The following COL3A1 variants were observed in gnomAD, a reference collection of about 807,000 sequenced individuals.
COL3A1 encodes collagen type III alpha 1 chain.
Under a neutral mutation model 200.9 loss-of-function variants are expected in COL3A1, and 46 were observed. The observed-to-expected ratio is 0.23, with a 90% CI of 0.18 to 0.29. The LOEUF is 0.29. Ranked by LOEUF, COL3A1 falls within the 10% of genes least tolerant of loss-of-function variation. The pLI is 1.00. For missense variants in COL3A1, 1,367 were observed against 1,917.6 expected, an observed-to-expected ratio of 0.71 and a Z score of 5.36; for synonymous variants, 650 against 628.0, an observed-to-expected ratio of 1.03 and a Z score of -0.52.
chr2:188,995,618 G>A (rs1409158792), intron 21 of COL3A1, 74 bp from the exon 22 acceptor site: 2 of 1,041,712 alleles, frequency 1.9e-6, no homozygotes. Flanking sequence ...TCCTCTCTTT[G>A]TAACCAAAAT....
chr2:189,004,435 AG>A, intron 40 of COL3A1, 71 bp downstream of exon 40: 1 of 1,410,740 alleles, frequency 7.1e-7, no homozygotes, highest in Non-Finnish European at 9.7e-7. Flanking sequence ...AACCATATCA[AG>A]GATGAAAAGT....
chr2:189,005,496 T>C, intron 41 of COL3A1, 39 bp downstream of exon 41: 1 of 1,539,844 alleles, frequency 6.5e-7, no homozygotes, highest in Non-Finnish European at 9.0e-7. Flanking sequence ...AGGTAGAATT[T>C]GATAATTTAT....
At position 188,999,314 on chromosome 2, in the gene COL3A1, A is replaced by G; in HGVS notation, c.2052A>G (p.Gly684=). 1 of 1,587,308 alleles carries G rather than the reference A, an allele frequency of 6.3e-7. No individual in the cohort carries two copies. Among genetic ancestry groups the G allele is most frequent in the Non-Finnish European group, 8.6e-7 (1 of 1,165,898 alleles). The change falls in exon 30 of 51, where the codon GGA becomes GGG. Residue 684 remains glycine, a synonymous_variant. Coordinates refer to ENST00000304636, the MANE Select transcript of COL3A1 (RefSeq NM_000090.4). ...KGDAGAPGER[G]PPGLAGAPGL... ...ATGCTGGTGCCCCTGGTGAACGTGG[A>G]CCTCCTGGATTGGCAGGGGCCCCAG...
chr2:188,990,917 A>T, intron 10 of COL3A1, 87 bp from the exon 11 acceptor site: 1 of 1,354,512 alleles, frequency 7.4e-7, no homozygotes, highest in South Asian at 1.2e-5. Context: ...TATGAAGACC[A>T]ATTAGAAAAA....
rs587779451 is a variant in COL3A1 at position 188,988,106 on chromosome 2, CT to C, written c.555del (p.Gly186ValfsTer36). On this transcript the variant is annotated frameshift_variant, in exon 6 of 51. Transcript: ENST00000304636. LOFTEE classifies it high-confidence loss of function. ...PAGPPGPPGP[P>X]GTSGHPGSPG... ...GGCCCCCCAGGCCCTCCCGGTCCCCCTGGTACATCTGGTCATCCTGGTTCCC... is the reference window on the plus strand; with the variant it reads ...GGCCCCCCAGGCCCTCCCGGTCCCCCGGTACATCTGGTCATCCTGGTTCCC... 6.2e-7 allele frequency: 1 copy of C among 1,613,010 alleles called. No homozygotes were observed. The highest frequency in any genetic ancestry group is 8.5e-7 in the Non-Finnish European group (1 of 1,179,190).
rs753589858 is a variant in COL3A1, at chr2:188,991,694, G to A, written c.923G>A (p.Arg308Gln). 22 of 1,613,966 alleles carry A rather than the reference G, an allele frequency of 1.4e-5. No individual in the cohort carries two copies. Among genetic ancestry groups the A allele is most frequent in the East Asian group, 2.2e-5 (1 of 44,866 alleles). ...GGTCCAAGAGGGGCTCCTGGTGAGCGAGGACGGCCAGGACTTCCTGGGGCT... is the reference window on the plus strand; with the variant it reads ...GGTCCAAGAGGGGCTCCTGGTGAGCAAGGACGGCCAGGACTTCCTGGGGCT... ...PMGPRGAPGE[R>Q]GRPGLPGAAG... is the part of the protein sequence containing the mutation. Residue 308 changes from arginine (R) to glutamine (Q), a missense_variant, in exon 13 of 51, where the codon CGA (arginine) becomes CAA (glutamine). Transcript: ENST00000304636.
Position 189,005,217 on chromosome 2 carries a change from A to T in COL3A1, c.2932-133A>T, listed in dbSNP as rs1026911687. On this transcript the variant is annotated intron_variant, in intron 40 of 50. Transcript: ENST00000304636. The stretch of plus-strand genomic sequence containing the variant: ...CCCCATATTTTTTCCCATAGCAGGC[A>T]TAGTTTTAATTTTAAAATTCAATGA... 1.9e-5 allele frequency: 16 copies of T among 842,560 alleles called. No individual in the cohort carries two copies. The East Asian group carries it at 4.4e-4, about 23-fold the overall frequency. 52.2% of individuals were successfully genotyped at this position (842,560 alleles called of 1,614,324 possible). A position where few individuals can be genotyped will look rare whatever the true frequency, so the allele number is the denominator to read the frequency against.
In COL3A1 at chr2:189,009,078, T is replaced by C; in HGVS notation, c.3680T>C (p.Phe1227Ser). Residue 1227 changes from phenylalanine (F) to serine (S), a missense_variant, in exon 48 of 51, where the codon TTC (phenylalanine) becomes TCC (serine). Transcript: ENST00000304636. The stretch of plus-strand genomic sequence containing the variant: ...TATTATGGAGATGAACCAATGGATT[T>C]CAAAATCAACACCGATGAGATTATG... ...APYYGDEPMD[F>S]KINTDEIMTS... The C allele has an allele frequency of 6.2e-7, 1 of 1,614,200 alleles. No homozygotes were observed. Among genetic ancestry groups the C allele is most frequent in the Non-Finnish European group, 8.5e-7 (1 of 1,180,018 alleles).
At chr2:188,986,537 T>C (rs1672203145) in intron 4 of COL3A1, among the ~76,000 whole-genome samples, 1 of 152,084 alleles carries the variant, frequency 6.6e-6, no homozygotes. Flanking sequence ...CATATGAGCC[T>C]TTCTACTATT....
chr2:188,993,611 C>A, intron 16 of COL3A1, 152 bp downstream of exon 16: 1 of 698,060 alleles, frequency 1.4e-6, no homozygotes, highest in East Asian at 2.7e-5. Flanking sequence ...CTAAAATGAT[C>A]CTCCTGTGAC....
Position 188,997,213 on chromosome 2 carries a change from C to A in COL3A1, c.1810C>A (p.Pro604Thr), listed in dbSNP as rs2153502791. The A allele has an allele frequency of 6.2e-7, 1 of 1,613,974 alleles. No individual in the cohort carries two copies. The highest frequency in any genetic ancestry group is 8.5e-7 in the Non-Finnish European group (1 of 1,179,990). The part of the protein sequence containing the change: ...GERGGPGGPG[P>T]QGPPGKNGET... Reference sequence around the variant, plus strand: ...ACGAGGTGGCCCTGGAGGACCTGGCCCTCAGGTACGTAGCTTTCCTCAATT... The same window carrying A: ...ACGAGGTGGCCCTGGAGGACCTGGCACTCAGGTACGTAGCTTTCCTCAATT... Residue 604 changes from proline (P) to threonine (T), a missense_variant, in exon 25 of 51, where the codon CCT becomes ACT. Transcript: ENST00000304636.
Position 188,994,367 on chromosome 2 carries a change from G to A in COL3A1, c.1293+35G>A. On this transcript the variant is annotated intron_variant, in intron 18 of 50. Coordinates refer to ENST00000304636, the MANE Select transcript of COL3A1 (RefSeq NM_000090.4). The surrounding 1 kb of genome is among the most constrained non-coding windows in gnomAD (Gnocchi z 4.5). ...CTTGTTTTTTCTCTGTTGACTGAAA[G>A]GTATAGTTTAATTCCATCAACAAAA... 1 of 1,610,514 alleles carries A rather than the reference G, an allele frequency of 6.2e-7. No individual in the cohort carries two copies. Among genetic ancestry groups the A allele is most frequent in the Non-Finnish European group, 8.5e-7 (1 of 1,177,486 alleles).
chr2:188,991,173 T>A, intron 11 of COL3A1, 116 bp downstream of exon 11: 1 of 1,101,916 alleles, frequency 9.1e-7, no homozygotes, highest in South Asian at 1.4e-5. Context: ...GAATTTTACC[T>A]ATTAGGTGTG....
At position 188,989,419 on chromosome 2, in the gene COL3A1, T is replaced by C. The variant is rs1227480152; in HGVS notation, c.660T>C (p.Ala220=). The change falls in exon 8 of 51, where the codon GCT becomes GCC. Residue 220 remains alanine (A), a synonymous_variant. Transcript: ENST00000304636. ...GPSGPPGPPG[A]IGPSGPAGKD... is the part of the protein sequence containing the mutation. ...AGGGCCCTCCAGGACCTCCTGGTGC[T>C]ATAGGTCCATCTGGTCCTGCTGGAA... The C allele has an allele frequency of 2.5e-6, 4 of 1,606,886 alleles. No homozygotes were observed. The East Asian group carries it at 9.0e-5, about 36-fold the overall frequency.
chr2:188,993,029 T>C, intron 15 of COL3A1, 89 bp downstream of exon 15: 2 of 1,189,630 alleles, frequency 1.7e-6, no homozygotes, highest in African/African-American at 1.5e-5. Context: ...ATTTTTTTAA[T>C]CAGTCAAATG....
At chr2:188,987,612 T>C (rs1413245628) in intron 5 of COL3A1, among the ~76,000 whole-genome samples, 2 of 152,112 alleles carry the variant, frequency 1.3e-5, no homozygotes, top group Non-Finnish European at 1.5e-5. Context: ...ATTAACTCTG[T>C]GATAGATATA....
At chr2:188,989,016 C>T (rs1412470238) in intron 7 of COL3A1, among the ~76,000 whole-genome samples, 2 of 151,436 alleles carry the variant, frequency 1.3e-5, no homozygotes, top group African/African-American at 2.4e-5. Context: ...ATATCTTAGA[C>T]AGTAGAAATA....
chr2:188,996,257 T>G (rs1688308281), intron 23 of COL3A1, 79 bp downstream of exon 23: 8 of 984,114 alleles, frequency 8.1e-6, no homozygotes, highest in Non-Finnish European at 1.1e-5. Flanking sequence ...TGAGTGTGTG[T>G]GTGTGTGTGT....
chr2:189,006,294 T>A (rs2153503716), intron 42 of COL3A1, 35 bp downstream of exon 42: 5 of 1,613,982 alleles, frequency 3.1e-6, no homozygotes, highest in Non-Finnish European at 4.2e-6. Flanking sequence ...ATTTGTGTTA[T>A]CAAAATAAGT....
Sources: gnomAD v4.1 joint callset for allele counts (sites outside exome capture counted in the v4.1 genomes callset) on GRCh38, gnomAD v4.1.1 for gene constraint, Gnocchi (gnomAD v3.1) non-coding constraint, MANE v1.5 for transcripts, NCBI Gene and HGNC (gene_info 2026-07-23, HGNC 2026-07-21) for gene names.